DLG2: variants seen among roughly 807,000 people sequenced by gnomAD.
DLG2 encodes discs large MAGUK scaffold protein 2.
DLG2 carries 45 observed loss-of-function variants against 132.5 expected under a neutral mutation model. The ratio of observed to expected loss-of-function variants is 0.34; its 90% CI spans 0.27 to 0.44. DLG2 has a LOEUF of 0.44. Among genes scored for constraint, DLG2 ranks in the 20% least tolerant of loss-of-function variants. DLG2 has a pLI of 1.00. For missense variants in DLG2, 1,045 were observed against 1,196.9 expected (o/e 0.87, Z 1.87); for synonymous variants, 424 against 419.6 (o/e 1.01, Z -0.13).
At chr11:84,304,354 A>T (rs1159800880) in intron 7 of DLG2, among the ~76,000 whole-genome samples, 1 of 152,240 alleles carries the variant, frequency 6.6e-6, no homozygotes, top group Non-Finnish European at 1.5e-5. Flanking sequence ...CTAATTTTGC[A>T]GGATCGCATG....
intron 3 of DLG2, among the ~76,000 whole-genome samples, chr11:85,305,951 G>A (rs2079914623): frequency 6.6e-6 from 1 of 152,150 alleles, no homozygotes; most frequent in Admixed American, 6.5e-5. Context: ...ATCACAAGTA[G>A]GCAATGTAGA....
intron 6 of DLG2, among the ~76,000 whole-genome samples, chr11:84,710,310 A>G (rs773177642): frequency 2.4e-4 from 37 of 151,934 alleles, no homozygotes; most frequent in Non-Finnish European, 4.6e-4. Context: ...CATTAACCTG[A>G]GGTGCCCACT....
At chr11:83,935,973 G>A (rs790366) in intron 14 of DLG2, among the ~76,000 whole-genome samples, 137,719 of 152,256 alleles carry the variant, frequency 0.9, 62,537 homozygotes, top group Non-Finnish European at 0.95. Flanking sequence ...AAAGCACTTA[G>A]TTCAGTCCGT....
intron 6 of DLG2, among the ~76,000 whole-genome samples, chr11:85,085,798 G>T (rs1347263225): frequency 6.6e-6 from 1 of 152,110 alleles, no homozygotes; most frequent in African/African-American, 2.4e-5. Flanking sequence ...TGACTCCAAA[G>T]TCAGTGTCCT....
intron 6 of DLG2, among the ~76,000 whole-genome samples, chr11:84,700,522 A>G (rs1336051985): frequency 6.6e-6 from 1 of 151,686 alleles, no homozygotes; most frequent in Non-Finnish European, 1.5e-5. Flanking sequence ...AAAAATTTCT[A>G]CAAAATCAGA....
intron 6 of DLG2, among the ~76,000 whole-genome samples, chr11:84,830,948 T>TCC (rs1243993716): frequency 3.3e-4 from 28 of 85,762 alleles, no homozygotes; most frequent in Non-Finnish European, 4.6e-4. Flanking sequence ...TCTCTCTCTC[T>TCC]CCTCCCCCCA....
At chr11:84,555,046 C>A (rs564272537) in intron 6 of DLG2, among the ~76,000 whole-genome samples, 1 of 151,986 alleles carries the variant, frequency 6.6e-6, no homozygotes, top group Non-Finnish European at 1.5e-5. Flanking sequence ...GGAGAGGTAA[C>A]CTGGAATAAG....
intron 4 of DLG2, among the ~76,000 whole-genome samples, chr11:85,200,110 C>G (rs969420054): frequency 2.0e-5 from 3 of 152,096 alleles, no homozygotes; most frequent in African/African-American, 7.2e-5. Flanking sequence ...GGTTGTAAAC[C>G]CCCCCATGGA....
intron 3 of DLG2, among the ~76,000 whole-genome samples, chr11:85,326,525 C>A (rs1249495491): frequency 3.2e-5 from 3 of 94,018 alleles, no homozygotes; most frequent in Non-Finnish European, 6.3e-5. Context: ...CCAAACTAAG[C>A]TTCATAAGTG....
intron 3 of DLG2, among the ~76,000 whole-genome samples, chr11:85,413,020 T>C (rs1225036795): frequency 6.6e-6 from 1 of 151,882 alleles, no homozygotes; most frequent in Admixed American, 6.6e-5. Context: ...CTAATTTACA[T>C]ACCCACCAGC....
chr11:85,530,726 G>T (rs2075147351), intron 3 of DLG2, among the ~76,000 whole-genome samples: 1 of 152,172 alleles, frequency 6.6e-6, no homozygotes, highest in South Asian at 2.1e-4. Flanking sequence ...GTTTGCTTTG[G>T]TTCTGCTTTG....
intron 4 of DLG2, among the ~76,000 whole-genome samples, chr11:85,246,505 ACT>A (rs959008356): frequency 7.1e-4 from 108 of 151,892 alleles, no homozygotes; most frequent in African/African-American, 2.4e-3. Context: ...TGTGTTTATT[ACT>A]GTCTCTCACA....
chr11:83,484,065 G>A (rs948528356), intron 22 of DLG2, 64 bp downstream of exon 22: 9 of 1,330,968 alleles, frequency 6.8e-6, no homozygotes, highest in South Asian at 2.4e-5. Flanking sequence ...TACATCCTGC[G>A]TGTTGCCTGT....
At position 85,214,371 on chromosome 11, in the gene DLG2, C is replaced by G. The variant is rs76932941; in HGVS notation, c.187-59720G>C. On this transcript the variant is annotated intron_variant, in intron 4 of 27. Transcript: ENST00000376104. ...TAGATAGCTGATCTCTACAACACCT[C>G]GCAAAAATCTTTGAAAATTTCTCAA... Among the ~76,000 whole-genome samples, 1,438 of 152,230 alleles carry G rather than the reference C, an allele frequency of 9.4e-3. 8 individuals carry two copies. Among genetic ancestry groups the G allele is most frequent in the Non-Finnish European group, 0.014 (944 of 68,014 alleles).
At chr11:83,528,118 T>A (rs910314783) in intron 21 of DLG2, among the ~76,000 whole-genome samples, 1 of 152,160 alleles carries the variant, frequency 6.6e-6, no homozygotes, top group Admixed American at 6.6e-5. Context: ...TCCAAATAGA[T>A]GGCTGTTTGA....
At chr11:85,591,158 C>T (rs2079303938) in intron 3 of DLG2, among the ~76,000 whole-genome samples, 1 of 152,156 alleles carries the variant, frequency 6.6e-6, no homozygotes. Context: ...AATACTTGAT[C>T]CTGCCTGACA....
At chr11:84,191,338 T>C (rs1223447658) in intron 8 of DLG2, among the ~76,000 whole-genome samples, 1 of 152,226 alleles carries the variant, frequency 6.6e-6, no homozygotes, top group South Asian at 2.1e-4. Flanking sequence ...GACTTAGTCT[T>C]TCCTTCCTGA....
At chr11:84,936,621 CA>C (rs1411006724) in intron 6 of DLG2, 1 of 151,916 alleles carries the variant, frequency 6.6e-6, no homozygotes, top group Non-Finnish European at 1.5e-5. Context: ...ATCTAAATAT[CA>C]AAATACTGGC....
chr11:84,909,871 C>T (rs1474134002), intron 6 of DLG2, among the ~76,000 whole-genome samples: 1 of 152,186 alleles, frequency 6.6e-6, no homozygotes, highest in Non-Finnish European at 1.5e-5. Context: ...GACCATCCCC[C>T]GCATACCCAG....
Sources: allele counts gnomAD v4.1 joint callset (sites outside exome capture counted in the v4.1 genomes callset), GRCh38; gene constraint gnomAD v4.1.1; transcripts MANE v1.5; gene names NCBI Gene and HGNC (gene_info 2026-07-23, HGNC 2026-07-21).